Variants in GTPBP3 observed in about 807,000 individuals in gnomAD.
GTPBP3 encodes the protein GTP binding protein 3, mitochondrial, also known as 5-taurinomethyluridine-[tRNA] synthase subunit GTPB3, mitochondrial.
In GTPBP3, 35 loss-of-function variants were observed where a neutral mutation model predicts 42.0. That is an observed-to-expected ratio of 0.83 (90% confidence interval 0.64 to 1.10). The LOEUF is 1.10. GTPBP3 is among the 50% of genes least tolerant of loss of function. The pLI is 0.00. For synonymous variants in GTPBP3, 332 were observed against 314.9 expected (o/e 1.05, Z -0.58); for missense variants, 691 against 685.2 (o/e 1.01, Z -0.09).
rs11669718 is a variant in GTPBP3 at position 17,339,636 on chromosome 19, G to C, written c.974+37G>C. 0.31 allele frequency: 483,716 copies of C among 1,543,918 alleles called. 78,351 individuals carry two copies. Among genetic ancestry groups the C allele is most frequent in the South Asian group, 0.39 (33,329 of 86,180 alleles). On this transcript the variant is annotated intron_variant, in intron 7 of 8. Transcript: ENST00000324894. ...GGGTGGTGATGGGAGGGGAACGCGGGGCCCTTTCTCTGCCTTTTCTCCCTG... is the reference window on the plus strand; with the variant it reads ...GGGTGGTGATGGGAGGGGAACGCGGCGCCCTTTCTCTGCCTTTTCTCCCTG...
Position 17,341,195 on chromosome 19 carries a change from TCGGACCTGCTGTCCC to T in GTPBP3, c.1131_1145del (p.Asp377_Pro381del), listed in dbSNP as rs1568368098. 1 of 1,611,360 alleles carries T rather than the reference TCGGACCTGCTGTCCC, an allele frequency of 6.2e-7. No homozygotes were observed. The highest frequency in any genetic ancestry group is 2.2e-5 in the East Asian group (1 of 44,838). ...GCGCCTCCTCCTGGTGCTGAACAAG[TCGGACCTGCTGTCCC>T]CGGAGGGCCCAGGTCCCGGTCCTGA... On this transcript the variant is annotated inframe_deletion, in exon 8 of 9. Coordinates refer to ENST00000324894, the MANE Select transcript of GTPBP3 (RefSeq NM_032620.4).
At chr19:17,337,865 G>C (rs758716734) in intron 1 of GTPBP3, 143 bp from the exon 2 acceptor site, 1 of 1,255,882 alleles carries the variant, frequency 8.0e-7, no homozygotes, top group South Asian at 1.5e-5. Context: ...GTCACCCTTC[G>C]GCCTTCAGAA....
In GTPBP3 at chr19:17,338,667, C is replaced by T. The variant is rs1274363168; in HGVS notation, c.517C>T (p.Arg173Trp). 4 of 1,613,734 alleles carry T rather than the reference C, an allele frequency of 2.5e-6. No individual in the cohort carries two copies. The highest frequency in any genetic ancestry group is 2.2e-5 in the East Asian group (1 of 44,872). ...TATCCACGCGGAAACAGAGGCGCAGCGGCGGCAGGCCCTCAGGCAGCTGGA... is the reference window on the plus strand; with the variant it reads ...TATCCACGCGGAAACAGAGGCGCAGTGGCGGCAGGCCCTCAGGCAGCTGGA... ...DLIHAETEAQRRQALRQLDGE... is the reference protein window; with the variant it reads ...DLIHAETEAQWRQALRQLDGE... The change falls in exon 4 of 9, where the codon CGG (arginine) becomes TGG (tryptophan). Residue 173 changes from arginine to tryptophan, a missense_variant. Physicochemically the swap from Arg to Trp is moderately radical, Grantham distance 101. Transcript: ENST00000324894.
upstream of GTPBP3, among the ~76,000 whole-genome samples, chr19:17,335,501 A>C (rs532588945): frequency 1.1e-4 from 16 of 152,290 alleles, no homozygotes; most frequent in East Asian, 2.7e-3. Flanking sequence ...TCAAGGCTGC[A>C]GTGAGCTGAG....
At chr19:17,337,402 T>G (rs966299874), upstream of GTPBP3, 3 of 1,042,124 alleles carry the variant, frequency 2.9e-6, no homozygotes, top group Non-Finnish European at 2.5e-6. Context: ...TACACCTACC[T>G]CCATACCGCC....
chr19:17,341,590 C>G lies in GTPBP3; in HGVS notation c.1366C>G (p.Leu456Val), dbSNP rs61730224. 6.2e-7 allele frequency: 1 copy of G among 1,613,818 alleles called. No individual in the cohort carries two copies. The highest frequency in any genetic ancestry group is 8.5e-7 in the Non-Finnish European group (1 of 1,179,964). ...GHYKQSKDLA[L>V]AAEALRVARG... Reference sequence around the variant, plus strand: ...CTACAAGCAGTCAAAAGACCTGGCCCTGGCGGCAGAGGCGCTGCGGGTGGC... The same window carrying G: ...CTACAAGCAGTCAAAAGACCTGGCCGTGGCGGCAGAGGCGCTGCGGGTGGC... The change falls in exon 9 of 9, where the codon CTG (leucine) becomes GTG (valine). Residue 456 changes from leucine (L) to valine (V), a missense_variant. Coordinates refer to ENST00000324894, the MANE Select transcript of GTPBP3 (RefSeq NM_032620.4).
intron 7 of GTPBP3, 125 bp from the exon 8 acceptor site, chr19:17,340,919 C>T: frequency 1.9e-6 from 2 of 1,080,344 alleles, no homozygotes; most frequent in East Asian, 2.5e-5. Flanking sequence ...TACTCTACTC[C>T]TCCCTCCCGA....
chr19:17,336,006 G>A (rs1198957372), upstream of GTPBP3, among the ~76,000 whole-genome samples: 2 of 152,078 alleles, frequency 1.3e-5, no homozygotes, highest in East Asian at 1.9e-4. Flanking sequence ...AGGCCAAGGC[G>A]GGTAGATCAC....
At chr19:17,340,346 G>C (rs955689623) in intron 7 of GTPBP3, among the ~76,000 whole-genome samples, 6 of 152,114 alleles carry the variant, frequency 3.9e-5, no homozygotes, top group Non-Finnish European at 7.4e-5. Flanking sequence ...CAGTGATTTA[G>C]TTCTGATTAA....
chr19:17,341,018 C>A, intron 7 of GTPBP3, 26 bp from the exon 8 acceptor site: 1 of 1,602,908 alleles, frequency 6.2e-7, no homozygotes, highest in East Asian at 2.2e-5. Context: ...CCTGGGATCC[C>A]CGCTCAGTTG....
In GTPBP3 at chr19:17,341,505, G is replaced by A. The variant is rs752878556; in HGVS notation, c.1281G>A (p.Pro427=). ...GTGGGGACCCGTCCACAGATCCCCC[G>A]CTGCTGACCCGAGCAAGGCACCAGC... ...AVCGDPSTDP[P]LLTRARHQHH... is the part of the protein sequence containing the mutation. The change falls in exon 9 of 9, where the codon CCG becomes CCA. Residue 427 remains proline (P), a synonymous_variant. Transcript: ENST00000324894. 4 of 1,612,540 alleles carry A rather than the reference G, an allele frequency of 2.5e-6. No individual in the cohort carries two copies. The highest frequency in any genetic ancestry group is 2.2e-5 in the East Asian group (1 of 44,852).
Position 17,338,002 on chromosome 19 carries a change from T to A in GTPBP3, c.54-6T>A. 1 of 1,596,566 alleles carries A rather than the reference T, an allele frequency of 6.3e-7. No homozygotes were observed. On this transcript the variant is annotated splice_region_variant and splice_polypyrimidine_tract_variant and intron_variant, in intron 1 of 8. Coordinates refer to ENST00000324894, the MANE Select transcript of GTPBP3 (RefSeq NM_032620.4). Reference sequence around the variant, plus strand: ...GTGCGCTGATTCGCCTCCCCTCCGGTTCCAGATTGTGCACGCGCCGGAGCA... The same window carrying A: ...GTGCGCTGATTCGCCTCCCCTCCGGATCCAGATTGTGCACGCGCCGGAGCA...
At chr19:17,338,305 C>T (rs766011687) in intron 2 of GTPBP3, 50 bp downstream of exon 2, 5 of 1,606,136 alleles carry the variant, frequency 3.1e-6, no homozygotes, top group Non-Finnish European at 4.3e-6. Context: ...GACTCAGTTT[C>T]CCCCTTCCAA....
chr19:17,341,593 G>T lies in GTPBP3; in HGVS notation c.1369G>T (p.Ala457Ser). 1 of 1,613,886 alleles carries T rather than the reference G, an allele frequency of 6.2e-7. No homozygotes were observed. The highest frequency in any genetic ancestry group is 2.2e-5 in the East Asian group (1 of 44,880). The change falls in exon 9 of 9, where the codon GCG becomes TCG. Residue 457 changes from alanine to serine, a missense_variant. By Grantham distance (99) the Ala-to-Ser change is moderately conservative (BLOSUM62 1). Transcript: ENST00000324894. Reference sequence around the variant, plus strand: ...CAAGCAGTCAAAAGACCTGGCCCTGGCGGCAGAGGCGCTGCGGGTGGCCCG... The same window carrying T: ...CAAGCAGTCAAAAGACCTGGCCCTGTCGGCAGAGGCGCTGCGGGTGGCCCG... The part of the protein sequence containing the change: ...HYKQSKDLAL[A>S]AEALRVARGH...
chr19:17,337,861 C>G (rs752928321), intron 1 of GTPBP3, 147 bp from the exon 2 acceptor site: 2 of 1,242,850 alleles, frequency 1.6e-6, no homozygotes, highest in South Asian at 3.0e-5. Flanking sequence ...TCCGGTCACC[C>G]TTCGGCCTTC....
chr19:17,338,678 C>T lies in GTPBP3; in HGVS notation c.528C>T (p.Ala176=). The change falls in exon 4 of 9, where the codon GCC becomes GCT. Residue 176 remains alanine (A), a synonymous_variant. Transcript: ENST00000324894. ...AAACAGAGGCGCAGCGGCGGCAGGC[C>T]CTCAGGCAGCTGGACGGAGAGCTGG... The part of the protein sequence containing the change: ...HAETEAQRRQ[A]LRQLDGELGH... 1.9e-6 allele frequency: 3 copies of T among 1,613,664 alleles called. No homozygotes were observed. Among genetic ancestry groups the T allele is most frequent in the Non-Finnish European group, 2.5e-6 (3 of 1,179,856 alleles).
upstream of GTPBP3, chr19:17,337,548 G>T: frequency 7.7e-6 from 10 of 1,291,486 alleles, no homozygotes; most frequent in Non-Finnish European, 8.9e-6. Flanking sequence ...AGTGGGCGGG[G>T]CCCCCTGCCC....
In GTPBP3 at chr19:17,338,649, G is replaced by T. The variant is rs1158849625; in HGVS notation, c.499G>T (p.Ala167Ser). The T allele has an allele frequency of 6.2e-7, 1 of 1,613,932 alleles. No homozygotes were observed. Among genetic ancestry groups the T allele is most frequent in the Non-Finnish European group, 8.5e-7 (1 of 1,179,948 alleles). ...GGAGGGGCTGGCGGACCTTATCCAC[G>T]CGGAAACAGAGGCGCAGCGGCGGCA... ...EVEGLADLIH[A>S]ETEAQRRQAL... Residue 167 changes from alanine (A) to serine (S), a missense_variant, in exon 4 of 9, where the codon GCG (alanine) becomes TCG (serine). Transcript: ENST00000324894.
In GTPBP3 at chr19:17,338,479, T is replaced by C. The variant is rs1221632845; in HGVS notation, c.388+28T>C. The C allele has an allele frequency of 1.9e-6, 3 of 1,613,442 alleles. No homozygotes were observed. The African/African-American group carries it at 4.0e-5, about 22-fold the overall frequency. ...GAGTTGCAGCGTTGGGTGAGATGCTTGGTCCTCCCAATGGGCCTGGGTGGG... is the reference window on the plus strand; with the variant it reads ...GAGTTGCAGCGTTGGGTGAGATGCTCGGTCCTCCCAATGGGCCTGGGTGGG... On this transcript the variant is annotated intron_variant, in intron 3 of 8. Transcript: ENST00000324894.
Sources: allele counts gnomAD v4.1 joint callset (sites outside exome capture counted in the v4.1 genomes callset), GRCh38; gene constraint gnomAD v4.1.1; transcripts MANE v1.5; gene names NCBI Gene and HGNC (gene_info 2026-07-23, HGNC 2026-07-21).